RAD51B: variants seen among roughly 807,000 people sequenced by gnomAD.
The protein encoded by RAD51B is RAD51 paralog B.
In RAD51B, 38 loss-of-function variants were observed where a neutral mutation model predicts 42.2. The observed-to-expected ratio is 0.90, with a 90% CI of 0.70 to 1.18. The LOEUF is 1.18. Ranked by LOEUF, RAD51B falls within the 50% of genes most tolerant of loss-of-function variation. RAD51B has a pLI of 0.00. For synonymous variants in RAD51B, 154 were observed against 145.2 expected (o/e 1.06, Z -0.43); for missense variants, 373 against 400.7 (o/e 0.93, Z 0.59).
chr14:68,283,090 C>A (rs1230078768), intron 7 of RAD51B, among the ~76,000 whole-genome samples: 1 of 152,184 alleles, frequency 6.6e-6, no homozygotes, highest in Non-Finnish European at 1.5e-5. Flanking sequence ...GGGGAAATCA[C>A]TTAATACCAG....
At chr14:68,247,258 G>GA (rs532910319) in intron 7 of RAD51B, among the ~76,000 whole-genome samples, 17 of 148,186 alleles carry the variant, frequency 1.1e-4, no homozygotes, top group East Asian at 2.0e-4. Context: ...ACTTCAGCTT[G>GA]AAAAAAAAAA....
At chr14:68,504,662 C>CTTTTTTTTTTTTTTTTTTTTTTTTTTT (rs57967320) in intron 10 of RAD51B, among the ~76,000 whole-genome samples, 1 of 90,434 alleles carries the variant, frequency 1.1e-5, no homozygotes, top group Non-Finnish European at 2.1e-5. Context: ...TTTTTTCTTT[C>CTTTTTTTTTTTTTTTTTTTTTTTTTTT]TTTTTTTTTT....
chr14:68,548,201 C>T (rs967558666), intron 10 of RAD51B, among the ~76,000 whole-genome samples: 1 of 152,212 alleles, frequency 6.6e-6, no homozygotes, highest in Non-Finnish European at 1.5e-5. Flanking sequence ...CCACCCCTTC[C>T]TCTACCTCCC....
chr14:68,272,755 G>A (rs530801568), intron 7 of RAD51B, among the ~76,000 whole-genome samples: 2 of 128,784 alleles, frequency 1.6e-5, no homozygotes, highest in Admixed American at 8.4e-5. Flanking sequence ...GCGTGATCTC[G>A]GCTCACTGCA....
intron 7 of RAD51B, among the ~76,000 whole-genome samples, chr14:68,156,455 TTCTCTCTCTCTCTCTC>T (rs10650896): frequency 7.0e-5 from 8 of 114,266 alleles, no homozygotes; most frequent in Non-Finnish European, 1.0e-4. Context: ...CTTAGAAAAT[TTCTCTCTCTCTCTCTC>T]TCTCTCTCTC....
intron 7 of RAD51B, among the ~76,000 whole-genome samples, chr14:68,283,121 A>G (rs2081351086): frequency 1.3e-5 from 2 of 152,348 alleles, no homozygotes; most frequent in East Asian, 3.9e-4. Flanking sequence ...GGGACCGATC[A>G]CAAAGCTGTG....
chr14:68,240,877 C>G lies in RAD51B; in HGVS notation c.757-51007C>G, dbSNP rs184566392. Among the ~76,000 whole-genome samples the G allele has an allele frequency of 3.9e-5, 6 of 152,342 alleles. No homozygotes were observed. The East Asian group carries it at 7.7e-4, about 20-fold the overall frequency. On this transcript the variant is annotated intron_variant, in intron 7 of 10. Transcript: ENST00000471583. The stretch of plus-strand genomic sequence containing the variant: ...GGAAAGGAACTAGCATATGCTTTGC[C>G]TCATGTACTAGGCTAGGCACTTTAC...
chr14:68,070,298 C>A (rs933342176), intron 7 of RAD51B, among the ~76,000 whole-genome samples: 3 of 152,158 alleles, frequency 2.0e-5, no homozygotes, highest in South Asian at 4.1e-4. Context: ...TCTTACTTGT[C>A]GATTTTTGTT....
At chr14:68,189,972 A>G (rs1176686258) in intron 7 of RAD51B, among the ~76,000 whole-genome samples, 5 of 152,086 alleles carry the variant, frequency 3.3e-5, no homozygotes, top group African/African-American at 1.2e-4. Context: ...GGCCTCCCTT[A>G]AATTTAAATT....
chr14:68,509,528 C>G (rs1479931520), intron 10 of RAD51B, among the ~76,000 whole-genome samples: 1 of 152,188 alleles, frequency 6.6e-6, no homozygotes, highest in African/African-American at 2.4e-5. Context: ...ATTGTCATTG[C>G]TTAAATAAGC....
At chr14:67,823,937 T>C (rs2084007608) in intron 2 of RAD51B, among the ~76,000 whole-genome samples, 1 of 152,262 alleles carries the variant, frequency 6.6e-6, no homozygotes, top group African/African-American at 2.4e-5. Flanking sequence ...ATTCAACATG[T>C]ATCATTTCTC....
At chr14:68,425,757 G>A (rs994671219) in intron 9 of RAD51B, among the ~76,000 whole-genome samples, 4 of 152,204 alleles carry the variant, frequency 2.6e-5, no homozygotes, top group Admixed American at 2.6e-4. Flanking sequence ...GGTATTGGGT[G>A]ATGGGTAAAG....
Position 68,027,662 on chromosome 14 carries a change from T to C in RAD51B, c.756+140458T>C, listed in dbSNP as rs1192704945. Among the ~76,000 whole-genome samples the C allele has an allele frequency of 2.0e-5, 3 of 152,208 alleles. No homozygotes were observed. The East Asian group carries it at 5.8e-4, about 29-fold the overall frequency. ...CCAATTATTCCAATTATGAAATTCT[T>C]GTAGTGAATTTTTCAGCTCTAGAAT... On this transcript the variant is annotated intron_variant, in intron 7 of 10. Transcript: ENST00000471583.
At chr14:68,326,519 A>G (rs2082255919) in intron 8 of RAD51B, among the ~76,000 whole-genome samples, 1 of 152,176 alleles carries the variant, frequency 6.6e-6, no homozygotes, top group South Asian at 2.1e-4. Context: ...TGTCAATGTA[A>G]TAAAAGCCAA....
chr14:68,063,941 T>C (rs1294795724), intron 7 of RAD51B, among the ~76,000 whole-genome samples: 1 of 152,228 alleles, frequency 6.6e-6, no homozygotes, highest in African/African-American at 2.4e-5. Flanking sequence ...ATGTCCTTTT[T>C]GTCTTTTTCC....
intron 10 of RAD51B, chr14:68,563,704 G>T (rs1889269743): frequency 1.0e-5 from 10 of 985,394 alleles, no homozygotes; most frequent in Non-Finnish European, 1.2e-5. Flanking sequence ...CAAATTCACT[G>T]CTCCTTTTCT....
chr14:68,423,923 C>G (rs139841907), intron 9 of RAD51B, among the ~76,000 whole-genome samples: 50 of 152,348 alleles, frequency 3.3e-4, no homozygotes, highest in African/African-American at 1.1e-3. Context: ...TCTCACCATT[C>G]AATCAGGGGA....
At chr14:68,340,808 G>T (rs778140774) in intron 8 of RAD51B, among the ~76,000 whole-genome samples, 4 of 152,152 alleles carry the variant, frequency 2.6e-5, no homozygotes, top group Non-Finnish European at 5.9e-5. Flanking sequence ...CATCCATGAC[G>T]CTTGGCTCTC....
At chr14:68,236,034 A>C (rs1261069848) in intron 7 of RAD51B, among the ~76,000 whole-genome samples, 1 of 152,154 alleles carries the variant, frequency 6.6e-6, no homozygotes, top group Non-Finnish European at 1.5e-5. Flanking sequence ...AAAGAAGGGA[A>C]TAACAGACAC....
Sources: allele counts gnomAD v4.1 joint callset (sites outside exome capture counted in the v4.1 genomes callset), GRCh38; gene constraint gnomAD v4.1.1; transcripts MANE v1.5; gene names NCBI Gene and HGNC (gene_info 2026-07-23, HGNC 2026-07-21).